The following RECK variants were observed in gnomAD, a reference collection of about 807,000 sequenced individuals.
RECK encodes reversion inducing cysteine rich protein with kazal motifs.
A neutral mutation model predicts 115.1 loss-of-function variants in RECK; 69 were observed. The observed-to-expected ratio is 0.60, with a 90% confidence interval of 0.49 to 0.73. The LOEUF (loss-of-function observed/expected upper bound fraction) is 0.73. RECK is among the 30% of genes least tolerant of loss of function. The probability of loss-of-function intolerance (pLI) is 0.00; values close to 1 mark genes in which losing one functional copy is unlikely to be tolerated. For synonymous variants in RECK, 414 were observed against 419.7 expected (o/e 0.99, Z 0.17); for missense variants, 1,047 against 1,203.7 (o/e 0.87, Z 1.93).
intron 4 of RECK, among the ~76,000 whole-genome samples, chr9:36,062,211 G>T (rs13292397): frequency 0.085 from 12,301 of 144,562 alleles, 859 homozygotes; most frequent in South Asian, 0.19. Flanking sequence ...GCCCAGGCTG[G>T]AGTGCAATGG....
intron 16 of RECK, 103 bp from the exon 17 acceptor site, chr9:36,116,882 C>T (rs991182201): frequency 1.1e-6 from 1 of 887,280 alleles, no homozygotes; most frequent in Non-Finnish European, 1.8e-6. Context: ...CCTGATTCAT[C>T]TCTTGCTCTC....
intron 10 of RECK, among the ~76,000 whole-genome samples, chr9:36,095,940 G>C (rs1197097453): frequency 1.3e-5 from 2 of 151,338 alleles, no homozygotes. Context: ...GCCAGGCATG[G>C]TGGCGGGCAC....
chr9:36,104,079 T>C (rs1823662991), intron 12 of RECK, among the ~76,000 whole-genome samples: 1 of 151,810 alleles, frequency 6.6e-6, no homozygotes, highest in African/African-American at 2.4e-5. Flanking sequence ...TTAAATATAA[T>C]CATGGTTTGG....
chr9:36,100,463 G>C lies in RECK; in HGVS notation c.1218G>C (p.Gln406His). 6.2e-7 allele frequency: 1 copy of C among 1,614,066 alleles called. No individual in the cohort carries two copies. The stretch of plus-strand genomic sequence containing the variant: ...CTGTTCTTGATATTAAAAAGTGCCA[G>C]CCAGAGATGTGGAAAGCAATAGCTT... ...NIPVLDIKKC[Q>H]PEMWKAIACS... The change falls in exon 11 of 21, where the codon CAG becomes CAC. Residue 406 changes from glutamine (Q) to histidine (H), a missense_variant. Coordinates refer to ENST00000377966, the MANE Select transcript of RECK (RefSeq NM_021111.3).
At chr9:36,112,179 C>A in intron 15 of RECK, 126 bp from the exon 16 acceptor site, 4 of 571,120 alleles carry the variant, frequency 7.0e-6, no homozygotes, top group Non-Finnish European at 1.1e-5. Flanking sequence ...TTTTTCCTGA[C>A]TTAATTTACA....
intron 8 of RECK, among the ~76,000 whole-genome samples, chr9:36,087,182 A>AT (rs927928267): frequency 2.6e-5 from 4 of 152,156 alleles, no homozygotes; most frequent in African/African-American, 9.7e-5. Flanking sequence ...GAAAAAAAAA[A>AT]CATGCACACA....
Position 36,122,818 on chromosome 9 carries a change from T to C in RECK, c.2695-6T>C. Reference sequence around the variant, plus strand: ...TATATTAAGGGAACCTTGTTTCTCCTCACAGATTGAAGCCTGCAATAAAGA... The same window carrying C: ...TATATTAAGGGAACCTTGTTTCTCCCCACAGATTGAAGCCTGCAATAAAGA... On this transcript the variant is annotated splice_region_variant and splice_polypyrimidine_tract_variant and intron_variant, in intron 20 of 20. Transcript: ENST00000377966. The C allele has an allele frequency of 6.2e-7, 1 of 1,612,396 alleles. No homozygotes were observed.
intron 10 of RECK, among the ~76,000 whole-genome samples, chr9:36,097,720 T>G (rs1823408089): frequency 2.6e-5 from 4 of 152,106 alleles, no homozygotes; most frequent in Admixed American, 2.6e-4. Context: ...TGAAGAGATA[T>G]TTCACTCCCA....
At chr9:36,105,385 A>T in intron 13 of RECK, 102 bp downstream of exon 13, 1 of 1,123,168 alleles carries the variant, frequency 8.9e-7, no homozygotes, top group South Asian at 1.5e-5. Context: ...TCTGTAATAT[A>T]GGGGTTATCT....
At position 36,105,921 on chromosome 9, in the gene RECK, A is replaced by G. The variant is rs149086988; in HGVS notation, c.1576+638A>G. On this transcript the variant is annotated intron_variant, in intron 13 of 20. Transcript: ENST00000377966. ...GTTTCTTTATCATGTTAGAATCAAG[A>G]TTTTAAAAAAGGCCAGGCGCAGTGG... 4.8e-3 allele frequency among the ~76,000 whole-genome samples: 733 copies of G among 152,286 alleles called. 4 individuals are homozygous for G. The highest frequency in any genetic ancestry group is 0.017 in the African/African-American group (692 of 41,562).
Position 36,037,178 on chromosome 9 carries a change from C to A in RECK, c.100+80C>A, listed in dbSNP as rs975844488. On this transcript the variant is annotated intron_variant, in intron 1 of 20. Transcript: ENST00000377966. ...CTCCAAGATGGCGCGGGGCAGGGGG[C>A]GGGGGTGCGCGCGACCCCCAGACCC... 165 of 439,202 alleles carry A rather than the reference C, an allele frequency of 3.8e-4. 2 individuals are homozygous for A. Among genetic ancestry groups the A allele is most frequent in the Middle Eastern group, 3.7e-3 (5 of 1,360 alleles). 27.2% of individuals were successfully genotyped at this position (439,202 alleles called of 1,614,324 possible). A position where few individuals can be genotyped will look rare whatever the true frequency, so the allele number is the denominator to read the frequency against.
chr9:36,082,152 T>TTCTCTCTC (rs71508008), intron 7 of RECK, among the ~76,000 whole-genome samples: 4,349 of 113,646 alleles, frequency 0.038, 183 homozygotes, highest in Middle Eastern at 0.12. Flanking sequence ...CCTCCCTGCT[T>TTCTCTCTC]TCTCTCTCTC....
chr9:36,052,149 TTAATAA>T (rs756739530), intron 1 of RECK, 110 bp from the exon 2 acceptor site: 70 of 657,820 alleles, frequency 1.1e-4, no homozygotes, highest in Non-Finnish European at 4.7e-5. Flanking sequence ...TGAGTTAAAA[TTAATAA>T]TAATAATAAT....
At chr9:36,104,291 T>TGTGC (rs1823679939) in intron 12 of RECK, among the ~76,000 whole-genome samples, 1 of 21,964 alleles carries the variant, frequency 4.6e-5, no homozygotes, top group Non-Finnish European at 8.2e-5. Flanking sequence ...TGTGTGTGTG[T>TGTGC]GTATATATAT....
intron 13 of RECK, 48 bp downstream of exon 13, chr9:36,105,331 GTTTC>G: frequency 6.3e-7 from 1 of 1,594,002 alleles, no homozygotes; most frequent in African/African-American, 1.3e-5. Context: ...TGCTGCTAGT[GTTTC>G]TTTATAGGAG....
At chr9:36,104,156 C>A (rs1823667949) in intron 12 of RECK, among the ~76,000 whole-genome samples, 1 of 150,750 alleles carries the variant, frequency 6.6e-6, no homozygotes, top group Non-Finnish European at 1.5e-5. Flanking sequence ...CCTTCTTAGA[C>A]ATCTTATTTG....
At chr9:36,063,333 C>G (rs1307422646) in intron 4 of RECK, among the ~76,000 whole-genome samples, 1 of 152,068 alleles carries the variant, frequency 6.6e-6, no homozygotes, top group Non-Finnish European at 1.5e-5. Flanking sequence ...AGTTTTTAAA[C>G]AGGATCATGA....
intron 6 of RECK, among the ~76,000 whole-genome samples, chr9:36,068,681 T>A (rs933098509): frequency 6.6e-6 from 1 of 152,152 alleles, no homozygotes; most frequent in Non-Finnish European, 1.5e-5. Flanking sequence ...TGGGTTCTGA[T>A]TGAAGGTGGA....
intron 1 of RECK, among the ~76,000 whole-genome samples, chr9:36,042,508 GATTCCATATTTT>G: frequency 6.6e-6 from 1 of 151,498 alleles, no homozygotes; most frequent in South Asian, 2.1e-4. Flanking sequence ...CATTTGGGCT[GATTCCATATTTT>G]TGCAATTGCT....
Sources: gnomAD v4.1 joint callset for allele counts (sites outside exome capture counted in the v4.1 genomes callset) on GRCh38, gnomAD v4.1.1 for gene constraint, MANE v1.5 for transcripts, NCBI Gene and HGNC (gene_info 2026-07-23, HGNC 2026-07-21) for gene names.